The following VAT1L variants were observed in gnomAD, a reference collection of about 807,000 sequenced individuals.
VAT1L encodes vesicle amine transport 1 like, also known as putative NADPH-dependent quinone oxidoreductase VAT1L.
Under a neutral mutation model 44.1 loss-of-function variants are expected in VAT1L, and 34 were observed. The observed-to-expected ratio is 0.77, with a 90% CI of 0.59 to 1.03. The LOEUF (loss-of-function observed/expected upper bound fraction) is 1.03. VAT1L is among the 50% of genes least tolerant of loss of function. The pLI is 0.00. For synonymous variants in VAT1L, 253 were observed against 202.2 expected (o/e 1.25, Z -2.13); for missense variants, 615 against 538.8 (o/e 1.14, Z -1.40).
chr16:77,847,083 T>A (rs554861966), intron 3 of VAT1L, among the ~76,000 whole-genome samples: 1 of 152,220 alleles, frequency 6.6e-6, no homozygotes, highest in Non-Finnish European at 1.5e-5. Context: ...AGTAGGTCCT[T>A]CTGCAAAATG....
chr16:77,791,955 G>C (rs960586159), intron 1 of VAT1L, among the ~76,000 whole-genome samples: 3 of 152,180 alleles, frequency 2.0e-5, no homozygotes, highest in African/African-American at 7.2e-5. Context: ...TAAGTGACCA[G>C]GTGGAAAAAG....
chr16:77,847,438 G>C (rs1228076392), intron 3 of VAT1L, among the ~76,000 whole-genome samples: 1 of 152,144 alleles, frequency 6.6e-6, no homozygotes, highest in Non-Finnish European at 1.5e-5. Flanking sequence ...TGCTAGCTGT[G>C]TACTTCAAAA....
At chr16:77,920,429 T>C (rs1415144326) in intron 7 of VAT1L, among the ~76,000 whole-genome samples, 1 of 152,150 alleles carries the variant, frequency 6.6e-6, no homozygotes, top group African/African-American at 2.4e-5. Context: ...CAGCGACACA[T>C]AGCTGCCATT....
intron 7 of VAT1L, among the ~76,000 whole-genome samples, chr16:77,964,031 C>T (rs994414161): frequency 1.1e-4 from 17 of 152,094 alleles, no homozygotes; most frequent in African/African-American, 4.1e-4. Flanking sequence ...TGGCCGCTGC[C>T]TTCCCCTCCA....
intron 7 of VAT1L, among the ~76,000 whole-genome samples, chr16:77,948,692 A>G (rs2018002399): frequency 6.6e-6 from 1 of 152,150 alleles, no homozygotes; most frequent in African/African-American, 2.4e-5. Context: ...AGTATTTTAA[A>G]GTAAATCCCA....
chr16:77,959,317 G>A (rs575956906), intron 7 of VAT1L, among the ~76,000 whole-genome samples: 1 of 152,308 alleles, frequency 6.6e-6, no homozygotes, highest in East Asian at 1.9e-4. Flanking sequence ...TTAGACTCCA[G>A]AAGAAGCTAC....
At chr16:77,963,943 G>A (rs1398760757) in intron 7 of VAT1L, among the ~76,000 whole-genome samples, 4 of 152,172 alleles carry the variant, frequency 2.6e-5, no homozygotes, top group Non-Finnish European at 5.9e-5. Flanking sequence ...TCTTACAAAA[G>A]GGCCTTCCGT....
intron 4 of VAT1L, among the ~76,000 whole-genome samples, chr16:77,874,303 C>T (rs1476956964): frequency 1.3e-5 from 2 of 152,004 alleles, no homozygotes; most frequent in Non-Finnish European, 2.9e-5. Context: ...ACCCCACTCT[C>T]GCAAGAGTGA....
At chr16:77,826,724 GA>G (rs2016527818) in intron 3 of VAT1L, among the ~76,000 whole-genome samples, 2 of 152,330 alleles carry the variant, frequency 1.3e-5, no homozygotes, top group Admixed American at 6.5e-5. Context: ...TAGTGTTTCT[GA>G]GAGTGGAAGG....
chr16:77,825,939 C>G (rs57080465), intron 3 of VAT1L, among the ~76,000 whole-genome samples: 2,226 of 145,056 alleles, frequency 0.015, 49 homozygotes, highest in African/African-American at 0.054. Flanking sequence ...AGAAGAATGG[C>G]GTGAACCCGG....
intron 1 of VAT1L, among the ~76,000 whole-genome samples, chr16:77,805,795 A>T (rs2016145310): frequency 6.6e-6 from 1 of 150,616 alleles, no homozygotes; most frequent in South Asian, 2.1e-4. Context: ...ATTTTCCCCA[A>T]GCAGTTTACC....
At chr16:77,843,049 A>G (rs1015100134) in intron 3 of VAT1L, among the ~76,000 whole-genome samples, 1 of 152,194 alleles carries the variant, frequency 6.6e-6, no homozygotes, top group Admixed American at 6.5e-5. Context: ...ACCCAAAGTC[A>G]CAAGATTGGC....
intron 7 of VAT1L, among the ~76,000 whole-genome samples, chr16:77,885,162 G>A (rs567393110): frequency 6.6e-6 from 1 of 152,298 alleles, no homozygotes; most frequent in South Asian, 2.1e-4. Flanking sequence ...CAGTGTCAGA[G>A]CAGACAGTGA....
intron 4 of VAT1L, among the ~76,000 whole-genome samples, chr16:77,868,341 C>T (rs2016996985): frequency 6.6e-6 from 1 of 152,160 alleles, no homozygotes; most frequent in South Asian, 2.1e-4. Flanking sequence ...GGCCTACAAA[C>T]AGACTACGAA....
chr16:77,817,112 A>G, intron 2 of VAT1L, 62 bp downstream of exon 2: 1 of 1,570,236 alleles, frequency 6.4e-7, no homozygotes, highest in Admixed American at 1.9e-5. Flanking sequence ...ACAACAAAAG[A>G]TGATGCAGAA....
At chr16:77,943,881 G>C (rs77854298) in intron 7 of VAT1L, among the ~76,000 whole-genome samples, 5,458 of 152,234 alleles carry the variant, frequency 0.036, 122 homozygotes, top group Middle Eastern at 0.068. Flanking sequence ...CACAGGTGTA[G>C]AACCAGGGCA....
intron 3 of VAT1L, among the ~76,000 whole-genome samples, chr16:77,847,025 T>C (rs895507386): frequency 6.6e-6 from 1 of 152,224 alleles, no homozygotes; most frequent in African/African-American, 2.4e-5. Flanking sequence ...GGCATAAATG[T>C]GTTGCTTTCA....
chr16:77,895,514 C>T (rs755774249), intron 7 of VAT1L, among the ~76,000 whole-genome samples: 1 of 151,944 alleles, frequency 6.6e-6, no homozygotes, highest in Non-Finnish European at 1.5e-5. Context: ...GGAGCAGATG[C>T]GATGGCAGAA....
At chr16:77,892,541 C>T (rs1597086153) in intron 7 of VAT1L, 1 of 584,286 alleles carries the variant, frequency 1.7e-6, no homozygotes. Flanking sequence ...TGCTCTAAGC[C>T]CTGGAGAGGA....
Sources: allele counts gnomAD v4.1 joint callset (sites outside exome capture counted in the v4.1 genomes callset), GRCh38; gene constraint gnomAD v4.1.1; transcripts MANE v1.5; gene names NCBI Gene and HGNC (gene_info 2026-07-23, HGNC 2026-07-21).